The following PLXDC2 variants were observed in gnomAD, a reference collection of about 807,000 sequenced individuals.
The protein encoded by PLXDC2 is plexin domain containing 2, also known as plexin domain-containing protein 2.
In PLXDC2, 40 loss-of-function variants were observed where a neutral mutation model predicts 68.9. That is an observed-to-expected ratio of 0.58 (90% CI 0.45 to 0.76). The LOEUF (loss-of-function observed/expected upper bound fraction) is 0.76, where lower values mean the gene tolerates loss of function less well. Among genes scored for constraint, PLXDC2 ranks in the 30% least tolerant of loss-of-function variants. The pLI is 0.00. For missense variants in PLXDC2, 644 were observed against 661.9 expected (o/e 0.97, Z 0.30); for synonymous variants, 243 against 234.2 (o/e 1.04, Z -0.34).
At chr10:19,900,684 T>C (rs1838143474) in intron 1 of PLXDC2, among the ~76,000 whole-genome samples, 1 of 152,072 alleles carries the variant, frequency 6.6e-6, no homozygotes. Flanking sequence ...TGGTGATTTC[T>C]GAGATTTTGG....
chr10:20,087,505 T>A (rs7907351), intron 4 of PLXDC2, among the ~76,000 whole-genome samples: 1 of 152,068 alleles, frequency 6.6e-6, no homozygotes, highest in African/African-American at 2.4e-5. Flanking sequence ...ACTGATGTTG[T>A]CCAGGGAGAT....
intron 12 of PLXDC2, among the ~76,000 whole-genome samples, chr10:20,240,508 C>A (rs942104925): frequency 6.6e-6 from 1 of 152,080 alleles, no homozygotes; most frequent in African/African-American, 2.4e-5. Context: ...TTTGATCAAG[C>A]ATGATATTAA....
At chr10:20,162,063 AGAGAGAGAGAAG>A (rs1250044427) in intron 6 of PLXDC2, among the ~76,000 whole-genome samples, 59 of 70,578 alleles carry the variant, frequency 8.4e-4, no homozygotes, top group Non-Finnish European at 1.3e-3. Flanking sequence ...AGAGAGAGAG[AGAGAGAGAGAAG>A]GAAGGAAGGA....
rs898284178 is a variant in PLXDC2 at position 20,284,672 on chromosome 10, T to C, written c.*4853T>C. The C allele has an allele frequency of 3.3e-5, 5 of 152,072 alleles. No homozygotes were observed. Among genetic ancestry groups the C allele is most frequent in the Non-Finnish European group, 5.9e-5 (4 of 68,018 alleles). 9.4% of individuals were successfully genotyped at this position (152,072 alleles called of 1,614,324 possible). On this transcript the variant is annotated 3_prime_UTR_variant, in exon 14 of 14. Coordinates refer to ENST00000377252, the MANE Select transcript of PLXDC2 (RefSeq NM_032812.9). ...AAGTAAACTGAGGCCCAAAGAGATATAGTAATAGTCCCAGTGTCAGTAAAC... is the reference window on the plus strand; with the variant it reads ...AAGTAAACTGAGGCCCAAAGAGATACAGTAATAGTCCCAGTGTCAGTAAAC...
In PLXDC2 at chr10:20,044,137, T is replaced by TCC. The variant is rs1554761408; in HGVS notation, c.325-2731_325-2730insCC. Among the ~76,000 whole-genome samples the TCC allele has an allele frequency of 4.4e-5, 6 of 136,766 alleles. 1 individual carries two copies. The highest frequency in any genetic ancestry group is 3.8e-3 in the Middle Eastern group (1 of 264). The allele number at this position is 136,766 out of a possible 152,430, so 89.7% of individuals were successfully genotyped here. On this transcript the variant is annotated intron_variant, in intron 2 of 13. Transcript: ENST00000377252. ...CTTCCTTCCTTCCTCCCTCCCTCCC[T>TCC]CTCTCTCTTTTTCCTTCCTTCCTTC...
intron 1 of PLXDC2, among the ~76,000 whole-genome samples, chr10:19,895,293 AGAG>A (rs1421368349): frequency 6.6e-6 from 1 of 152,174 alleles, no homozygotes; most frequent in Non-Finnish European, 1.5e-5. Context: ...AGACAGGTAA[AGAG>A]GACAGAAGTG....
intron 4 of PLXDC2, among the ~76,000 whole-genome samples, chr10:20,096,320 AC>A (rs1367045694): frequency 6.6e-6 from 1 of 152,192 alleles, no homozygotes; most frequent in African/African-American, 2.4e-5. Flanking sequence ...TGGAATTATT[AC>A]CTTATAGATA....
At chr10:20,253,060 C>T (rs1564368055) in intron 13 of PLXDC2, among the ~76,000 whole-genome samples, 1 of 151,872 alleles carries the variant, frequency 6.6e-6, no homozygotes, top group Admixed American at 6.6e-5. Flanking sequence ...AAAGACTGCT[C>T]TCCAAAACAG....
chr10:19,931,591 T>A (rs2131389646), intron 1 of PLXDC2, among the ~76,000 whole-genome samples: 1 of 152,354 alleles, frequency 6.6e-6, no homozygotes, highest in East Asian at 1.9e-4. Context: ...CCCCTAGGTT[T>A]GGCCTTATGT....
chr10:19,901,069 T>G (rs1023258389), intron 1 of PLXDC2, among the ~76,000 whole-genome samples: 1 of 151,720 alleles, frequency 6.6e-6, no homozygotes, highest in Non-Finnish European at 1.5e-5. Flanking sequence ...ATTTATATAC[T>G]CATTAATTGA....
intron 1 of PLXDC2, among the ~76,000 whole-genome samples, chr10:19,848,315 G>A (rs544878622): frequency 6.6e-6 from 1 of 152,186 alleles, no homozygotes; most frequent in Non-Finnish European, 1.5e-5. Context: ...CTCAGTTTTT[G>A]TTGTCATCTG....
chr10:19,865,591 A>G (rs573895573), intron 1 of PLXDC2, among the ~76,000 whole-genome samples: 130 of 152,250 alleles, frequency 8.5e-4, no homozygotes, highest in African/African-American at 2.3e-3. Flanking sequence ...AATGGGTAGT[A>G]AAAAAACGTC....
intron 3 of PLXDC2, 145 bp from the exon 4 acceptor site, chr10:20,068,025 A>G: frequency 6.4e-6 from 4 of 623,622 alleles, no homozygotes; most frequent in Non-Finnish European, 8.1e-6. Context: ...CTTTAGTACG[A>G]CCGAGGACTC....
At chr10:20,026,724 A>G (rs774044092) in intron 2 of PLXDC2, among the ~76,000 whole-genome samples, 9 of 151,662 alleles carry the variant, frequency 5.9e-5, no homozygotes, top group Non-Finnish European at 8.8e-5. Context: ...CACAAATTTA[A>G]TCTTCCCCAA....
At chr10:20,013,072 A>T (rs1202184052) in intron 2 of PLXDC2, among the ~76,000 whole-genome samples, 1 of 152,238 alleles carries the variant, frequency 6.6e-6, no homozygotes, top group African/African-American at 2.4e-5. Flanking sequence ...TAAACTTTAT[A>T]TATTTATGCA....
At position 20,186,375 on chromosome 10, in the gene PLXDC2, G is replaced by C. The variant is rs143782032; in HGVS notation, c.1061+8966G>C. On this transcript the variant is annotated intron_variant, in intron 9 of 13. Transcript: ENST00000377252. ...TTGATGACCACACTAGCGTAGGTCT[G>C]AACTACATGAGATTCTTTCTCTAGA... 4.4e-3 allele frequency among the ~76,000 whole-genome samples: 664 copies of C among 152,000 alleles called. 2 individuals are homozygous for C. The highest frequency in any genetic ancestry group is 7.9e-3 in the Admixed American group (120 of 15,208).
intron 4 of PLXDC2, among the ~76,000 whole-genome samples, chr10:20,114,433 G>A (rs1295510370): frequency 6.6e-6 from 1 of 152,210 alleles, no homozygotes; most frequent in African/African-American, 2.4e-5. Flanking sequence ...ACGCTGTGTT[G>A]AAATACAAAC....
chr10:20,238,518 A>T (rs917347954), intron 12 of PLXDC2, among the ~76,000 whole-genome samples: 3 of 150,254 alleles, frequency 2.0e-5, no homozygotes, highest in Admixed American at 6.7e-5. Flanking sequence ...ATGGCAGCCC[A>T]TGCCTGTAGT....
chr10:19,887,146 G>A (rs1388880256), intron 1 of PLXDC2, among the ~76,000 whole-genome samples: 1 of 152,134 alleles, frequency 6.6e-6, no homozygotes, highest in East Asian at 1.9e-4. Flanking sequence ...GTCTTTTGTA[G>A]TTGCCAATAA....
Sources: allele counts gnomAD v4.1 joint callset (sites outside exome capture counted in the v4.1 genomes callset), GRCh38; gene constraint gnomAD v4.1.1; transcripts MANE v1.5; gene names NCBI Gene and HGNC (gene_info 2026-07-23, HGNC 2026-07-21).